The following MINDY1 variants were observed in gnomAD, a reference collection of about 807,000 sequenced individuals.
The protein encoded by MINDY1 is MINDY lysine 48 deubiquitinase 1.
In MINDY1, 50 loss-of-function variants were observed where a neutral mutation model predicts 53.6. The observed-to-expected ratio is 0.93, with a 90% CI of 0.74 to 1.18. The LOEUF (loss-of-function observed/expected upper bound fraction) is 1.18. Among genes scored for constraint, MINDY1 ranks in the 50% most tolerant of loss-of-function variants. The probability of loss-of-function intolerance (pLI) is 0.00; values close to 1 mark genes in which losing one functional copy is unlikely to be tolerated. For missense variants in MINDY1, 484 were observed against 578.6 expected (o/e 0.84, Z 1.68); for synonymous variants, 231 against 234.7 (o/e 0.98, Z 0.14).
At chr1:151,005,136 G>A (rs779005581) in intron 1 of MINDY1, among the ~76,000 whole-genome samples, 1 of 152,060 alleles carries the variant, frequency 6.6e-6, no homozygotes, top group Non-Finnish European at 1.5e-5. Context: ...GCCAGAGCCT[G>A]GAAAAGTGAA....
chr1:150,999,268 T>C lies in MINDY1; in HGVS notation c.981+101A>G. 1 of 1,524,006 alleles carries C rather than the reference T, an allele frequency of 6.6e-7. No individual in the cohort carries two copies. Among genetic ancestry groups the C allele is most frequent in the Non-Finnish European group, 8.9e-7 (1 of 1,117,952 alleles). The allele number at this position is 1,524,006 out of a possible 1,614,324, so 94.4% of individuals were successfully genotyped here. The stretch of plus-strand genomic sequence containing the variant: ...AAACCACAGGGATTTGAGGGGTCAC[T>C]TGCTACCACGGCTTAATCTAGCTGA... On this transcript the variant is annotated intron_variant, in intron 7 of 9. Transcript: ENST00000683666. This position sits in a 1 kb window ranked among gnomAD's most constrained non-coding sequence, Gnocchi z 4.4.
chr1:151,001,602 A>T, intron 3 of MINDY1, 123 bp downstream of exon 3: 1 of 1,234,714 alleles, frequency 8.1e-7, no homozygotes, highest in Admixed American at 2.4e-5. Context: ...AGCCCCATAG[A>T]CCCTTACCCT....
chr1:151,002,351 C>T lies in MINDY1; in HGVS notation c.267G>A (p.Glu89=). The T allele has an allele frequency of 6.2e-7, 1 of 1,614,184 alleles. No individual in the cohort carries two copies. The highest frequency in any genetic ancestry group is 8.5e-7 in the Non-Finnish European group (1 of 1,180,036). Residue 89 remains glutamate, a synonymous_variant, in exon 2 of 10, where the codon GAG becomes GAA. Transcript: ENST00000683666. The surrounding 1 kb of genome is among the most constrained non-coding windows in gnomAD (Gnocchi z 4.1). ...GGGGCATGGAGCATGCCCTTATTGT[C>T]TCTACTTCAGGCAGTGTCCCAAGGG... ...GPTLGTLPEV[E]TIRACSMPQE...
At chr1:151,000,944 A>G (rs1383083310) in intron 4 of MINDY1, among the ~76,000 whole-genome samples, 1 of 151,946 alleles carries the variant, frequency 6.6e-6, no homozygotes, top group Non-Finnish European at 1.5e-5. Context: ...ATACCTGGCT[A>G]ATTCTTGAAA....
rs587726309 is a variant in MINDY1 at position 151,002,140 on chromosome 1, C to T, written c.453+25G>A. 1.3e-6 allele frequency: 2 copies of T among 1,556,190 alleles called. No individual in the cohort carries two copies. The highest frequency in any genetic ancestry group is 2.0e-5 in the Admixed American group (1 of 50,744). On this transcript the variant is annotated intron_variant, in intron 2 of 9. Transcript: ENST00000683666. This position sits in a 1 kb window ranked among gnomAD's most constrained non-coding sequence, Gnocchi z 4.1. ...GAAGAGTACTCCCTGATATTTTTTG[C>T]ACCCCTAACTGCATGTTCTCTTACC...
chr1:150,999,521 A>G lies in MINDY1; in HGVS notation c.839-10T>C. 1.2e-6 allele frequency: 2 copies of G among 1,613,616 alleles called. No individual in the cohort carries two copies. The highest frequency in any genetic ancestry group is 1.7e-6 in the Non-Finnish European group (2 of 1,179,982). On this transcript the variant is annotated splice_polypyrimidine_tract_variant and intron_variant, in intron 6 of 9. Transcript: ENST00000683666. The surrounding 1 kb of genome is among the most constrained non-coding windows in gnomAD (Gnocchi z 4.4). Reference sequence around the variant, plus strand: ...TGCTCTGCAATCAGGCCTGCCAGAAAGGGACGAGTCGGGGGAAACTTGGCT... The same window carrying G: ...TGCTCTGCAATCAGGCCTGCCAGAAGGGGACGAGTCGGGGGAAACTTGGCT...
At chr1:150,997,485 T>C (rs780114306) in intron 9 of MINDY1, 118 bp from the exon 10 acceptor site, 1 of 1,548,102 alleles carries the variant, frequency 6.5e-7, no homozygotes, top group South Asian at 1.2e-5. Flanking sequence ...AGGAAGGGGC[T>C]CCAGGGGAGA....
chr1:151,008,200 G>A, upstream of MINDY1: 1 of 1,089,188 alleles, frequency 9.2e-7, no homozygotes, highest in Middle Eastern at 4.3e-4. Context: ...GGCCTGATCT[G>A]AGAGGGAAAG....
chr1:150,998,667 G>A (rs770799813), intron 7 of MINDY1, among the ~76,000 whole-genome samples: 9 of 152,168 alleles, frequency 5.9e-5, no homozygotes, highest in Non-Finnish European at 7.4e-5. Context: ...CTGAGCATGC[G>A]GACCTTTTAC....
chr1:150,999,074 A>C lies in MINDY1; in HGVS notation c.981+295T>G, dbSNP rs993256247. On this transcript the variant is annotated intron_variant, in intron 7 of 9. Coordinates refer to ENST00000683666, the MANE Select transcript of MINDY1 (RefSeq NM_001376665.1). This position sits in a 1 kb window ranked among gnomAD's most constrained non-coding sequence, Gnocchi z 4.4. ...ATGACATGTGTCATTTCCAAACAGA[A>C]GCTCTAAGCATGAGTGCACAGTGCC... is the stretch of plus-strand genomic sequence containing the variant. Among the ~76,000 whole-genome samples, 2 of 152,148 alleles carry C rather than the reference A, an allele frequency of 1.3e-5. No homozygotes were observed. The highest frequency in any genetic ancestry group is 1.3e-4 in the Admixed American group (2 of 15,274).
In MINDY1 at chr1:151,000,473, C is replaced by A; in HGVS notation, c.719G>T (p.Trp240Leu). 1 of 1,606,126 alleles carries A rather than the reference C, an allele frequency of 6.2e-7. No individual in the cohort carries two copies. The highest frequency in any genetic ancestry group is 8.5e-7 in the Non-Finnish European group (1 of 1,176,740). Reference protein sequence around the residue: ...DLLGIPLYHGWLVDPQSPEAV... With the variant: ...DLLGIPLYHGLLVDPQSPEAV... ...CACCCTCACCTGTGGATCAACAAGC[C>A]AGCCATGGTACAGAGGTATGCCTAG... The change falls in exon 5 of 10, where the codon TGG (tryptophan) becomes TTG (leucine). Residue 240 changes from tryptophan to leucine, a missense_variant. Physicochemically the swap from Trp to Leu is moderately conservative, Grantham distance 61. Transcript: ENST00000683666.
rs1571721481 is a variant in MINDY1, at chr1:151,000,559, A to G, written c.633T>C (p.Asn211=). The change falls in exon 5 of 10, where the codon AAT becomes AAC. Residue 211 remains asparagine (N), a synonymous_variant. Transcript: ENST00000683666. ...AATCAGAGACGCCTGTGAATCGCAC[A>G]TTGACATCCAGACCTGTGGCCAGTT... is the stretch of plus-strand genomic sequence containing the variant. ...LPKLATGLDV[N]VRFTGVSDFE... is the part of the protein sequence containing the mutation. 6.2e-7 allele frequency: 1 copy of G among 1,614,128 alleles called. No homozygotes were observed.
intron 4 of MINDY1, 42 bp downstream of exon 4, chr1:151,001,208 A>G: frequency 6.2e-7 from 1 of 1,603,514 alleles, no homozygotes; most frequent in Non-Finnish European, 8.5e-7. Flanking sequence ...ATGTCCCCTT[A>G]CAAACCTGCA....
chr1:151,003,549 T>C (rs1672802348), intron 1 of MINDY1, among the ~76,000 whole-genome samples: 1 of 152,186 alleles, frequency 6.6e-6, no homozygotes, highest in African/African-American at 2.4e-5. Context: ...TAAGCTTCTC[T>C]TTAAAAAAAA....
At position 150,997,001 on chromosome 1, in the gene MINDY1, C is replaced by G. The variant is rs1051845263; in HGVS notation, c.*286G>C. ...AGAGATGCATTCTGGATAGGGACCT[C>G]ACCCCAGAGCCTCAGTCTGTACATA... On this transcript the variant is annotated 3_prime_UTR_variant, in exon 10 of 10. Coordinates refer to ENST00000683666, the MANE Select transcript of MINDY1 (RefSeq NM_001376665.1). 2 of 451,366 alleles carry G rather than the reference C, an allele frequency of 4.4e-6. No homozygotes were observed. Among genetic ancestry groups the G allele is most frequent in the African/African-American group, 3.9e-5 (2 of 50,980 alleles). The allele number at this position is 451,366 out of a possible 1,614,324, so 28.0% of individuals were successfully genotyped here.
chr1:150,998,698 G>T (rs924787472), intron 7 of MINDY1, among the ~76,000 whole-genome samples: 4 of 152,184 alleles, frequency 2.6e-5, no homozygotes, highest in African/African-American at 9.7e-5. Flanking sequence ...GGCCTTGGGG[G>T]GAAGAAAGGG....
rs1411356666 is a variant in MINDY1, at chr1:151,000,469, A to C, written c.723T>G (p.Leu241=). ...CTCCCACCCTCACCTGTGGATCAAC[A>C]AGCCAGCCATGGTACAGAGGTATGC... ...LLGIPLYHGW[L]VDPQSPEAVR... The change falls in exon 5 of 10, where the codon CTT becomes CTG. Residue 241 remains leucine (L), a synonymous_variant. Coordinates refer to ENST00000683666, the MANE Select transcript of MINDY1 (RefSeq NM_001376665.1). 1 of 1,604,272 alleles carries C rather than the reference A, an allele frequency of 6.2e-7. No homozygotes were observed. Among genetic ancestry groups the C allele is most frequent in the Admixed American group, 1.7e-5 (1 of 57,988 alleles).
Position 150,999,354 on chromosome 1 carries a change from C to G in MINDY1, c.981+15G>C. 1 of 1,613,584 alleles carries G rather than the reference C, an allele frequency of 6.2e-7. No individual in the cohort carries two copies. The highest frequency in any genetic ancestry group is 8.5e-7 in the Non-Finnish European group (1 of 1,179,646). ...ATGACAGCACCGCAGCACGCCACCC[C>G]CAAACTCGCATTACCTTATGCTTAG... On this transcript the variant is annotated intron_variant, in intron 7 of 9. Coordinates refer to ENST00000683666, the MANE Select transcript of MINDY1 (RefSeq NM_001376665.1). This position sits in a 1 kb window ranked among gnomAD's most constrained non-coding sequence, Gnocchi z 4.4.
chr1:151,007,441 T>C (rs1571751026), upstream of MINDY1, among the ~76,000 whole-genome samples: 1 of 151,872 alleles, frequency 6.6e-6, no homozygotes, highest in Non-Finnish European at 1.5e-5. Context: ...GAGGTGGAGG[T>C]TGCAGTGAGC....
Sources: allele counts gnomAD v4.1 joint callset (sites outside exome capture counted in the v4.1 genomes callset), GRCh38; gene constraint gnomAD v4.1.1; non-coding constraint Gnocchi (gnomAD v3.1); transcripts MANE v1.5; gene names NCBI Gene and HGNC (gene_info 2026-07-23, HGNC 2026-07-21).